Variants in TMEM132B observed in about 807,000 individuals in gnomAD.
TMEM132B encodes transmembrane protein 132B.
TMEM132B carries 18 observed loss-of-function variants against 90.8 expected under a neutral mutation model. The observed-to-expected ratio is 0.20, with a 90% CI of 0.14 to 0.29. TMEM132B has a LOEUF of 0.29. TMEM132B is among the 10% of genes least tolerant of loss of function. TMEM132B has a pLI of 1.00. For missense variants in TMEM132B, 1,096 were observed against 1,326.8 expected, an observed-to-expected ratio of 0.83 and a Z score of 2.70; for synonymous variants, 504 against 523.3, an observed-to-expected ratio of 0.96 and a Z score of 0.50.
At chr12:125,592,905 T>C (rs1885352317) in intron 5 of TMEM132B, among the ~76,000 whole-genome samples, 1 of 152,236 alleles carries the variant, frequency 6.6e-6, no homozygotes, top group African/African-American at 2.4e-5. Context: ...TTGGTGCGTA[T>C]TGGTTTTGTT....
At chr12:125,404,479 A>G (rs1011619532) in intron 2 of TMEM132B, among the ~76,000 whole-genome samples, 1 of 152,190 alleles carries the variant, frequency 6.6e-6, no homozygotes, top group Admixed American at 6.5e-5. Flanking sequence ...GGAGGCTTAG[A>G]TGCTTGTGTG....
chr12:125,546,022 C>T (rs1269082633), intron 4 of TMEM132B, among the ~76,000 whole-genome samples: 1 of 152,116 alleles, frequency 6.6e-6, no homozygotes, highest in East Asian at 1.9e-4. Context: ...TTAAGTATAT[C>T]ATTCAGGGAA....
chr12:125,505,868 A>G (rs1380846075), intron 3 of TMEM132B, among the ~76,000 whole-genome samples: 1 of 152,208 alleles, frequency 6.6e-6, no homozygotes, highest in African/African-American at 2.4e-5. Context: ...GTGTGACGAT[A>G]GGAAGTTGTC....
At chr12:125,504,815 C>G (rs774953283) in intron 3 of TMEM132B, among the ~76,000 whole-genome samples, 15 of 151,932 alleles carry the variant, frequency 9.9e-5, no homozygotes, top group Non-Finnish European at 2.1e-4. Context: ...TTGCAGAAAG[C>G]TCAGTCTTAC....
chr12:125,590,142 G>A (rs1885283661), intron 5 of TMEM132B, among the ~76,000 whole-genome samples: 1 of 152,080 alleles, frequency 6.6e-6, no homozygotes, highest in African/African-American at 2.4e-5. Context: ...AGCTTCCTGA[G>A]GTCCTTGCCA....
chr12:125,484,275 T>G (rs1882141745), intron 3 of TMEM132B, among the ~76,000 whole-genome samples: 2 of 152,196 alleles, frequency 1.3e-5, no homozygotes, highest in Non-Finnish European at 2.9e-5. Flanking sequence ...ACGATATGTA[T>G]GAACACATGG....
At chr12:125,509,954 G>A (rs1198247647) in intron 3 of TMEM132B, among the ~76,000 whole-genome samples, 1 of 152,156 alleles carries the variant, frequency 6.6e-6, no homozygotes, top group African/African-American at 2.4e-5. Flanking sequence ...GAAATCCATT[G>A]TCCATTTTTT....
chr12:125,548,444 A>G (rs183287152), intron 4 of TMEM132B, among the ~76,000 whole-genome samples: 1 of 152,318 alleles, frequency 6.6e-6, no homozygotes, highest in Admixed American at 6.5e-5. Context: ...TTCCTGACCC[A>G]TTAATAGATT....
intron 1 of TMEM132B, among the ~76,000 whole-genome samples, chr12:125,282,159 T>C (rs936710851): frequency 6.6e-6 from 1 of 151,846 alleles, no homozygotes; most frequent in Non-Finnish European, 1.5e-5. Context: ...TTGCCATCCT[T>C]GGTTTGGCCT....
chr12:125,652,317 C>G (rs3825381), intron 7 of TMEM132B, 124 bp from the exon 8 acceptor site: 2 of 836,638 alleles, frequency 2.4e-6, no homozygotes, highest in East Asian at 5.7e-5. Flanking sequence ...CTTCCCTAAC[C>G]GATTCCCACA....
chr12:125,646,838 A>G (rs1165328042), intron 6 of TMEM132B, among the ~76,000 whole-genome samples: 2 of 152,194 alleles, frequency 1.3e-5, no homozygotes, highest in Admixed American at 6.5e-5. Flanking sequence ...ATAAACCACA[A>G]CTTGAATGAG....
chr12:125,478,791 C>G (rs1191916213), intron 3 of TMEM132B, among the ~76,000 whole-genome samples: 2 of 152,092 alleles, frequency 1.3e-5, no homozygotes, highest in African/African-American at 4.8e-5. Flanking sequence ...AGAAGAGCAA[C>G]CCCAAGACAC....
At chr12:125,500,855 C>T (rs1478584829) in intron 3 of TMEM132B, among the ~76,000 whole-genome samples, 1 of 152,090 alleles carries the variant, frequency 6.6e-6, no homozygotes, top group African/African-American at 2.4e-5. Flanking sequence ...CTCTGATCTC[C>T]CTTGTGCTAT....
At chr12:125,480,177 C>T (rs994314984) in intron 3 of TMEM132B, among the ~76,000 whole-genome samples, 7 of 151,902 alleles carry the variant, frequency 4.6e-5, no homozygotes, top group African/African-American at 1.7e-4. Context: ...AAATCGACAC[C>T]CTAACATCAC....
At chr12:125,190,478 T>TG (rs1287557361) in intron 1 of TMEM132B, among the ~76,000 whole-genome samples, 3 of 21,456 alleles carry the variant, frequency 1.4e-4, no homozygotes, top group Admixed American at 5.9e-4. Flanking sequence ...GGGGTGGTGG[T>TG]GGGAAGGGGT....
chr12:125,198,457 T>G (rs910627747), intron 1 of TMEM132B, among the ~76,000 whole-genome samples: 1 of 152,230 alleles, frequency 6.6e-6, no homozygotes, highest in African/African-American at 2.4e-5. Flanking sequence ...TGGCCACAGT[T>G]GGCTCCAGCC....
chr12:125,357,817 A>C (rs374354713), intron 2 of TMEM132B, among the ~76,000 whole-genome samples: 4 of 152,242 alleles, frequency 2.6e-5, no homozygotes, highest in African/African-American at 7.2e-5. Context: ...AACCATCTGC[A>C]GACCCAGGAC....
At chr12:125,417,449 G>A (rs187245610) in intron 3 of TMEM132B, among the ~76,000 whole-genome samples, 1 of 152,234 alleles carries the variant, frequency 6.6e-6, no homozygotes, top group Admixed American at 6.5e-5. Context: ...GTGCCTACTG[G>A]GTGGTCAGCT....
chr12:125,626,511 C>G, intron 5 of TMEM132B, among the ~76,000 whole-genome samples: 1 of 152,194 alleles, frequency 6.6e-6, no homozygotes, highest in Middle Eastern at 3.4e-3. Context: ...TTATCTTAAG[C>G]TTTTGTCTAA....
Sources: allele counts gnomAD v4.1 joint callset (sites outside exome capture counted in the v4.1 genomes callset), GRCh38; gene constraint gnomAD v4.1.1; transcripts MANE v1.5; gene names NCBI Gene and HGNC (gene_info 2026-07-23, HGNC 2026-07-21).